Variants in ELAVL1 observed in about 807,000 individuals in gnomAD.
The protein encoded by ELAVL1 is ELAV-like protein 1.
ELAVL1 carries 1 observed loss-of-function variant against 28.4 expected under a neutral mutation model. That is an observed-to-expected ratio of 0.04 (90% CI 0.01 to 0.17). The LOEUF is 0.17. Ranked by LOEUF, ELAVL1 falls within the 10% of genes least tolerant of loss-of-function variation. ELAVL1 has a pLI of 1.00. For synonymous variants in ELAVL1, 174 were observed against 183.5 expected, an observed-to-expected ratio of 0.95 and a Z score of 0.42; for missense variants, 157 against 447.2, an observed-to-expected ratio of 0.35 and a Z score of 5.85.
chr19:7,966,303 T>C (rs747002706), intron 5 of ELAVL1, among the ~76,000 whole-genome samples: 13 of 152,224 alleles, frequency 8.5e-5, no homozygotes, highest in Admixed American at 2.6e-4. Context: ...CTGCTGTTTC[T>C]GAGGCGACAG....
At chr19:7,995,579 G>A (rs565550374) in intron 1 of ELAVL1, among the ~76,000 whole-genome samples, 1 of 152,280 alleles carries the variant, frequency 6.6e-6, no homozygotes, top group Admixed American at 6.5e-5. Context: ...TCTATAGATA[G>A]TTTTGTACTA....
At chr19:7,995,675 C>A (rs1985856567) in intron 1 of ELAVL1, among the ~76,000 whole-genome samples, 1 of 151,998 alleles carries the variant, frequency 6.6e-6, no homozygotes, top group Non-Finnish European at 1.5e-5. Context: ...AAAAAATCTG[C>A]CGACCTCTGT....
intron 4 of ELAVL1, among the ~76,000 whole-genome samples, chr19:7,969,122 C>G (rs1190775727): frequency 6.6e-6 from 1 of 152,232 alleles, no homozygotes; most frequent in Non-Finnish European, 1.5e-5. Flanking sequence ...GTCTCAACTA[C>G]TCCAGAGGCT....
chr19:7,973,792 G>C lies in ELAVL1; in HGVS notation c.363C>G (p.Asp121Glu). The C allele has an allele frequency of 6.2e-7, 1 of 1,614,096 alleles. No individual in the cohort carries two copies. The highest frequency in any genetic ancestry group is 8.5e-7 in the Non-Finnish European group (1 of 1,180,018). ...CAAACCGAGAGAACATGTCTTCTACGTCCTTCTGGGTCATGGTCCGCGGGA... is the reference window on the plus strand; with the variant it reads ...CAAACCGAGAGAACATGTCTTCTACCTCCTTCTGGGTCATGGTCCGCGGGA... ...SGLPRTMTQKDVEDMFSRFGR... is the reference protein window; with the variant it reads ...SGLPRTMTQKEVEDMFSRFGR... The change falls in exon 4 of 6, where the codon GAC becomes GAG. Residue 121 changes from aspartate (D) to glutamate (E), a missense_variant. Around this residue, in one of 4 missense-constraint regions of ELAVL1, gnomAD observed 107 missense variants for 310.4 expected, o/e 0.34. Transcript: ENST00000407627.
At chr19:8,000,211 G>A (rs557259028) in intron 1 of ELAVL1, among the ~76,000 whole-genome samples, 9 of 152,332 alleles carry the variant, frequency 5.9e-5, no homozygotes, top group African/African-American at 1.7e-4. Flanking sequence ...GAGAGTCACC[G>A]TCGGTGCCTG....
intron 3 of ELAVL1, among the ~76,000 whole-genome samples, chr19:7,978,722 G>A (rs1985371477): frequency 6.6e-6 from 1 of 152,224 alleles, no homozygotes; most frequent in Non-Finnish European, 1.5e-5. Flanking sequence ...TTTGTAGCCA[G>A]CTGGTCAAAA....
chr19:7,991,929 T>TTTA, intron 1 of ELAVL1, 98 bp from the exon 2 acceptor site: 1 of 1,012,436 alleles, frequency 9.9e-7, no homozygotes, highest in Non-Finnish European at 1.3e-6. Context: ...ATTTTCTTTC[T>TTTA]TTCTTTTTTT....
In ELAVL1 at chr19:7,959,450, A is replaced by C. The variant is rs778231627; in HGVS notation, c.*4033T>G. ...ATGGTCAAAGAGGTGGCCCCAAACC[A>C]ACGGAAAAGGCTTCTCTTCTGGTGG... On this transcript the variant is annotated 3_prime_UTR_variant, in exon 6 of 6. Transcript: ENST00000407627. 1 of 152,508 alleles carries C rather than the reference A, an allele frequency of 6.6e-6. No individual in the cohort carries two copies. The highest frequency in any genetic ancestry group is 6.6e-5 in the Admixed American group (1 of 15,266). The allele number at this position is 152,508 out of a possible 1,614,324, so 9.4% of individuals were successfully genotyped here.
intron 1 of ELAVL1, among the ~76,000 whole-genome samples, chr19:7,992,475 A>C (rs1985777556): frequency 6.6e-6 from 1 of 152,294 alleles, no homozygotes; most frequent in East Asian, 1.9e-4. Flanking sequence ...ATTTAAAGGA[A>C]CTTTAAATGT....
At chr19:7,995,130 C>G (rs1223862898) in intron 1 of ELAVL1, among the ~76,000 whole-genome samples, 2 of 152,192 alleles carry the variant, frequency 1.3e-5, no homozygotes, top group African/African-American at 4.8e-5. Flanking sequence ...GTTACACCAT[C>G]TGTGGCCACG....
At position 7,981,150 on chromosome 19, in the gene ELAVL1, G is replaced by A. The variant is rs749959468; in HGVS notation, c.209C>T (p.Thr70Ile). The A allele has an allele frequency of 6.2e-7, 1 of 1,614,120 alleles. No homozygotes were observed. The highest frequency in any genetic ancestry group is 8.5e-7 in the Non-Finnish European group (1 of 1,180,012). Residue 70 changes from threonine to isoleucine, a missense_variant, in exon 3 of 6, where the codon ACC becomes ATC. This residue lies in a region of ELAVL1 where 28 missense variants were observed against 89.7 expected (regional missense o/e 0.31). Coordinates refer to ENST00000407627, the MANE Select transcript of ELAVL1 (RefSeq NM_001419.3). This position sits in a 1 kb window ranked among gnomAD's most constrained non-coding sequence, Gnocchi z 4.2. The stretch of plus-strand genomic sequence containing the variant: ...GATCGCTCTCTCTGCATCCTTCGCG[G>A]TCACGTAGTTCACAAAGCCATAGCC... ...SLGYGFVNYV[T>I]AKDAERAINT...
At chr19:7,984,897 C>G (rs891342533) in intron 2 of ELAVL1, among the ~76,000 whole-genome samples, 5 of 152,198 alleles carry the variant, frequency 3.3e-5, no homozygotes, top group Non-Finnish European at 7.3e-5. Flanking sequence ...GGCGACACCC[C>G]CAACCAATGA....
intron 1 of ELAVL1, among the ~76,000 whole-genome samples, chr19:8,003,395 AAG>A (rs1221281477): frequency 2.2e-5 from 3 of 135,444 alleles, no homozygotes; most frequent in South Asian, 2.3e-4. Flanking sequence ...AAAAAAAAAA[AAG>A]AAATAGCACC....
chr19:7,980,586 T>C (rs1199298662), intron 3 of ELAVL1, among the ~76,000 whole-genome samples: 1 of 152,196 alleles, frequency 6.6e-6, no homozygotes, highest in East Asian at 1.9e-4. Flanking sequence ...TCAAGTCACC[T>C]GCCGCTGTGA....
At chr19:7,989,150 T>C (rs1190881200) in intron 2 of ELAVL1, among the ~76,000 whole-genome samples, 1 of 152,104 alleles carries the variant, frequency 6.6e-6, no homozygotes, top group Non-Finnish European at 1.5e-5. Flanking sequence ...GAGAAAGCCG[T>C]TGGCTGGGGA....
Position 7,967,624 on chromosome 19 carries a change from C to T in ELAVL1, c.597G>A (p.Leu199=). The change falls in exon 5 of 6, where the codon CTG becomes CTA. Residue 199 remains leucine (L), a synonymous_variant. Coordinates refer to ENST00000407627, the MANE Select transcript of ELAVL1 (RefSeq NM_001419.3). The part of the protein sequence containing the change: ...QNKNVALLSQ[L]YHSPARRFGG... ...CGAACCGTCGCGCTGGCGAGTGGTA[C>T]AGCTGCGAGAGGAGTGCCACGTTTT... The T allele has an allele frequency of 6.2e-7, 1 of 1,614,204 alleles. No individual in the cohort carries two copies. The highest frequency in any genetic ancestry group is 8.5e-7 in the Non-Finnish European group (1 of 1,180,026).
intron 1 of ELAVL1, among the ~76,000 whole-genome samples, chr19:8,005,144 G>A (rs1429975573): frequency 1.3e-5 from 2 of 152,024 alleles, no homozygotes; most frequent in Admixed American, 6.5e-5. Context: ...AAGCGTTCCC[G>A]GCGCTCCCCC....
rs534509433 is a variant in ELAVL1, at chr19:7,991,298, C to T, written c.172+346G>A. Among the ~76,000 whole-genome samples, 10 of 152,308 alleles carry T rather than the reference C, an allele frequency of 6.6e-5. No individual in the cohort carries two copies. In the East Asian group the frequency reaches 9.7e-4, roughly 15 times the overall value. Reference sequence around the variant, plus strand: ...TACACTCGCCAGGGTCCCTTCCACACGTGGGACCCAATCAATCTGCCCAGG... The same window carrying T: ...TACACTCGCCAGGGTCCCTTCCACATGTGGGACCCAATCAATCTGCCCAGG... On this transcript the variant is annotated intron_variant, in intron 2 of 5. Coordinates refer to ENST00000407627, the MANE Select transcript of ELAVL1 (RefSeq NM_001419.3).
In ELAVL1 at chr19:8,005,624, C is replaced by A. The variant is rs968905195; in HGVS notation, c.-146G>T. ...GCGGCGACGGCGACGGCGGCAGCGG[C>A]TCCTCCTCAGCGCGCACGACCCGCT... On this transcript the variant is annotated 5_prime_UTR_variant, in exon 1 of 6. Coordinates refer to ENST00000407627, the MANE Select transcript of ELAVL1 (RefSeq NM_001419.3). 2.7e-5 allele frequency: 4 copies of A among 149,496 alleles called. No homozygotes were observed. Among genetic ancestry groups the A allele is most frequent in the African/African-American group, 9.8e-5 (4 of 40,932 alleles). The allele number at this position is 149,496 out of a possible 1,614,324, so 9.3% of individuals were successfully genotyped here.
Sources: allele counts gnomAD v4.1 joint callset (sites outside exome capture counted in the v4.1 genomes callset), GRCh38; gene constraint gnomAD v4.1.1; regional missense constraint gnomAD v4.1.1; non-coding constraint Gnocchi (gnomAD v3.1); transcripts MANE v1.5; gene names NCBI Gene and HGNC (gene_info 2026-07-23, HGNC 2026-07-21).